The following COLEC12 variants were observed in gnomAD, a reference collection of about 807,000 sequenced individuals.
COLEC12 encodes collectin-12.
Under a neutral mutation model 71.1 loss-of-function variants are expected in COLEC12, and 33 were observed. The observed-to-expected ratio is 0.46, with a 90% CI of 0.35 to 0.62. The LOEUF (loss-of-function observed/expected upper bound fraction) is 0.62, where lower values mean the gene tolerates loss of function less well. Ranked by LOEUF, COLEC12 falls within the 20% of genes least tolerant of loss-of-function variation. The pLI, the probability that COLEC12 is intolerant of heterozygous loss-of-function variation, is 0.00. For missense variants in COLEC12, 765 were observed against 916.1 expected (o/e 0.84, Z 2.13); for synonymous variants, 350 against 353.0 (o/e 0.99, Z 0.10).
chr18:417,574 G>A (rs1296404317), intron 2 of COLEC12, among the ~76,000 whole-genome samples: 1 of 152,196 alleles, frequency 6.6e-6, no homozygotes, highest in African/African-American at 2.4e-5. Flanking sequence ...AGTGACTGGG[G>A]CAGAGACTTA....
intron 2 of COLEC12, among the ~76,000 whole-genome samples, chr18:426,819 T>C (rs1379223683): frequency 6.6e-6 from 1 of 152,174 alleles, no homozygotes; most frequent in Non-Finnish European, 1.5e-5. Flanking sequence ...ATTTTAGAGA[T>C]GAAAAGACAG....
At chr18:441,074 C>T (rs1916514077) in intron 2 of COLEC12, among the ~76,000 whole-genome samples, 1 of 131,282 alleles carries the variant, frequency 7.6e-6, no homozygotes, top group Admixed American at 8.6e-5. Flanking sequence ...CAGTGAAACC[C>T]TGTCTCTACT....
intron 2 of COLEC12, among the ~76,000 whole-genome samples, chr18:440,524 TCAA>T (rs1916498424): frequency 6.6e-6 from 1 of 152,124 alleles, no homozygotes; most frequent in Admixed American, 6.6e-5. Context: ...GAATTATACC[TCAA>T]CAAAGCCGAA....
intron 2 of COLEC12, among the ~76,000 whole-genome samples, chr18:406,478 C>T (rs368622367): frequency 4.6e-5 from 6 of 131,334 alleles, no homozygotes; most frequent in Non-Finnish European, 6.1e-5. Flanking sequence ...CACTGCAGTC[C>T]GCAGTCCGGC....
chr18:486,070 TAA>T (rs1374405508), intron 1 of COLEC12, among the ~76,000 whole-genome samples: 1 of 152,366 alleles, frequency 6.6e-6, no homozygotes, highest in East Asian at 1.9e-4. Flanking sequence ...AGGAAAAAGA[TAA>T]AGTCTTTCCC....
intron 1 of COLEC12, among the ~76,000 whole-genome samples, chr18:489,608 A>T (rs1185849937): frequency 6.6e-6 from 1 of 152,218 alleles, no homozygotes; most frequent in Non-Finnish European, 1.5e-5. Flanking sequence ...GAGATGAATA[A>T]TGATGTATAT....
At chr18:444,648 G>C (rs751586416) in intron 2 of COLEC12, among the ~76,000 whole-genome samples, 1 of 152,138 alleles carries the variant, frequency 6.6e-6, no homozygotes. Context: ...GTGAGGTAGG[G>C]AGGGGAGAGA....
chr18:428,552 TA>T (rs1916241064), intron 2 of COLEC12, among the ~76,000 whole-genome samples: 1 of 152,216 alleles, frequency 6.6e-6, no homozygotes, highest in Admixed American at 6.5e-5. Flanking sequence ...AAAAAGTCAT[TA>T]ATTAGAAATT....
intron 2 of COLEC12, among the ~76,000 whole-genome samples, chr18:442,465 C>A (rs149519538): frequency 4.7e-4 from 72 of 152,278 alleles, no homozygotes; most frequent in African/African-American, 1.6e-3. Flanking sequence ...CAGACTTAGC[C>A]CCCTCAGTAA....
intron 7 of COLEC12, 78 bp from the exon 8 acceptor site, chr18:331,855 T>A: frequency 3.5e-6 from 3 of 854,188 alleles, no homozygotes; most frequent in Admixed American, 2.2e-5. Context: ...ATTTAACATT[T>A]AGAAAAAAGG....
chr18:483,300 T>TG (rs1402519833), intron 1 of COLEC12, among the ~76,000 whole-genome samples: 1 of 150,878 alleles, frequency 6.6e-6, no homozygotes, highest in African/African-American at 2.4e-5. Context: ...CTTGGGAGGC[T>TG]GAGGCAGAAT....
chr18:423,374 G>A (rs528309993), intron 2 of COLEC12, among the ~76,000 whole-genome samples: 1 of 152,230 alleles, frequency 6.6e-6, no homozygotes, highest in South Asian at 2.1e-4. Flanking sequence ...CTCAAGTCTA[G>A]AATACACAGG....
At chr18:473,946 G>A (rs1397567104) in intron 2 of COLEC12, among the ~76,000 whole-genome samples, 1 of 152,120 alleles carries the variant, frequency 6.6e-6, no homozygotes, top group Non-Finnish European at 1.5e-5. Context: ...ATTCATAAGT[G>A]AATGAAAACC....
chr18:479,280 G>T (rs754436877), intron 2 of COLEC12, among the ~76,000 whole-genome samples: 1 of 151,682 alleles, frequency 6.6e-6, no homozygotes, highest in African/African-American at 2.4e-5. Context: ...GGAGCACGGA[G>T]GAGGGGCGAC....
At chr18:392,920 C>T (rs1473561485) in intron 2 of COLEC12, among the ~76,000 whole-genome samples, 1 of 152,216 alleles carries the variant, frequency 6.6e-6, no homozygotes, top group African/African-American at 2.4e-5. Context: ...CTCCTTTGTT[C>T]TTGAGGTCTT....
chr18:358,235 G>A (rs1331380568), intron 2 of COLEC12, among the ~76,000 whole-genome samples: 1 of 152,114 alleles, frequency 6.6e-6, no homozygotes, highest in Non-Finnish European at 1.5e-5. Context: ...ATAGACCAGC[G>A]GTCCCCATCT....
intron 2 of COLEC12, among the ~76,000 whole-genome samples, chr18:402,930 CA>C (rs1915716424): frequency 6.6e-6 from 1 of 152,116 alleles, no homozygotes; most frequent in South Asian, 2.1e-4. Flanking sequence ...CCGTGCCCTT[CA>C]AAAGGGGTTT....
chr18:431,570 G>A (rs759553935), intron 2 of COLEC12, among the ~76,000 whole-genome samples: 1 of 152,198 alleles, frequency 6.6e-6, no homozygotes, highest in Admixed American at 6.5e-5. Context: ...GGCAAATAGG[G>A]ATGGCATTAA....
chr18:424,850 G>A (rs559785744), intron 2 of COLEC12, among the ~76,000 whole-genome samples: 2 of 152,340 alleles, frequency 1.3e-5, no homozygotes, highest in African/African-American at 2.4e-5. Context: ...CTCAGTCTAA[G>A]GAGAAGCAGT....
Sources: allele counts gnomAD v4.1 joint callset (sites outside exome capture counted in the v4.1 genomes callset), GRCh38; gene constraint gnomAD v4.1.1; transcripts MANE v1.5; gene names NCBI Gene and HGNC (gene_info 2026-07-23, HGNC 2026-07-21).